The following ATF6B variants were observed in gnomAD, a reference collection of about 807,000 sequenced individuals.
ATF6B encodes the protein cyclic AMP-dependent transcription factor ATF-6 beta.
A neutral mutation model predicts 83.5 loss-of-function variants in ATF6B; 50 were observed. The observed-to-expected ratio is 0.60, with a 90% CI of 0.48 to 0.76. ATF6B has a LOEUF of 0.76. Among genes scored for constraint, ATF6B ranks in the 30% least tolerant of loss-of-function variants. ATF6B has a pLI of 0.00. For missense variants in ATF6B, 790 were observed against 893.8 expected (o/e 0.88, Z 1.48); for synonymous variants, 344 against 362.8 (o/e 0.95, Z 0.59).
rs2127346083 is a variant in ATF6B at position 32,124,699 on chromosome 6, A to T, written c.478+1418T>A. On this transcript the variant is annotated intron_variant, in intron 5 of 17. Coordinates refer to ENST00000375203, the MANE Select transcript of ATF6B (RefSeq NM_004381.5). ...CTCTGAAGAAATGCAGGGTCCTCAG[A>T]CACAAGTCAACCCCCACACTGTCCT... Among the ~76,000 whole-genome samples the T allele has an allele frequency of 2.6e-5, 4 of 152,270 alleles. No homozygotes were observed. The South Asian group carries it at 8.3e-4, about 32-fold the overall frequency.
At position 32,116,608 on chromosome 6, in the gene ATF6B, G is replaced by T; in HGVS notation, c.1798-44C>A. The stretch of plus-strand genomic sequence containing the variant: ...AGGCCAGAAGGGTGGAGGCAAAGAT[G>T]CCAACAAGCTCCCCAGCCCTACTCT... On this transcript the variant is annotated intron_variant, in intron 16 of 17. Transcript: ENST00000375203. The surrounding 1 kb of genome is among the most constrained non-coding windows in gnomAD (Gnocchi z 5.1). The T allele has an allele frequency of 6.3e-7, 1 of 1,597,362 alleles. No homozygotes were observed. The highest frequency in any genetic ancestry group is 8.6e-7 in the Non-Finnish European group (1 of 1,167,724).
chr6:32,123,218 ACT>A (rs1425054385), intron 5 of ATF6B, among the ~76,000 whole-genome samples: 1 of 136,212 alleles, frequency 7.3e-6, no homozygotes, highest in Non-Finnish European at 1.6e-5. Context: ...ACAGGGCAAA[ACT>A]CTGTCTCAAA....
chr6:32,116,819 G>T lies in ATF6B; in HGVS notation c.1686-4C>A, dbSNP rs753847817. The T allele has an allele frequency of 2.5e-6, 4 of 1,613,770 alleles. No individual in the cohort carries two copies. The highest frequency in any genetic ancestry group is 2.5e-6 in the Non-Finnish European group (3 of 1,179,706). On this transcript the variant is annotated splice_polypyrimidine_tract_variant and splice_region_variant and intron_variant, in intron 15 of 17. Transcript: ENST00000375203. The surrounding 1 kb of genome is among the most constrained non-coding windows in gnomAD (Gnocchi z 5.1). ...TTGCAGCTGGCCCACAGAATCCCTA[G>T]GCAGGTGGGGAAACAGGATTTGAGG...
chr6:32,117,325 G>C lies in ATF6B; in HGVS notation c.1612C>G (p.Gln538Glu), dbSNP rs370306659. ...RKIPQRAQER[Q>E]KSQPRKKSPP... ...CTTGAACCAGCCACCCGCCCTACCT[G>C]TCTCTCCTGGGCCCTCTGAGGGATC... Residue 538 changes from glutamine to glutamate, a missense_variant and splice_region_variant, in exon 14 of 18, where the codon CAG (glutamine) becomes GAG (glutamate). Gln to Glu is a conservative substitution (Grantham distance 29). Transcript: ENST00000375203. The surrounding 1 kb of genome is among the most constrained non-coding windows in gnomAD (Gnocchi z 5.0). The C allele has an allele frequency of 6.2e-7, 1 of 1,613,550 alleles. No individual in the cohort carries two copies. The highest frequency in any genetic ancestry group is 8.5e-7 in the Non-Finnish European group (1 of 1,179,654).
Position 32,115,842 on chromosome 6 carries a change from G to A in ATF6B, c.2009C>T (p.Pro670Leu). 3 of 1,614,156 alleles carry A rather than the reference G, an allele frequency of 1.9e-6. No individual in the cohort carries two copies. Among genetic ancestry groups the A allele is most frequent in the Non-Finnish European group, 2.5e-6 (3 of 1,180,016 alleles). Residue 670 changes from proline to leucine, a missense_variant, in exon 18 of 18, where the codon CCA becomes CTA. Around this residue, in one of 3 missense-constraint regions of ATF6B, gnomAD observed 530 missense variants for 632.6 expected, o/e 0.84. Coordinates refer to ENST00000375203, the MANE Select transcript of ATF6B (RefSeq NM_004381.5). The stretch of plus-strand genomic sequence containing the variant: ...TGTGGCATTGCCTGGGGTTGGGGAT[G>A]GCTGTTTTCGGAGCGAGGGGGGCAC... Reference protein sequence around the residue: ...STVPPSLRKQPSPTPGNATGG... With the variant: ...STVPPSLRKQLSPTPGNATGG...
intron 3 of ATF6B, 28 bp downstream of exon 3, chr6:32,127,414 T>TCTGAGGGAACGACAAA (rs1782028547): frequency 6.3e-7 from 1 of 1,593,926 alleles, no homozygotes; most frequent in African/African-American, 1.4e-5. Flanking sequence ...TTTCTGGAAA[T>TCTGAGGGAACGACAAA]CTGAGGGAAC....
rs1254793194 is a variant in ATF6B, at chr6:32,127,480, G to A, written c.212C>T (p.Pro71Leu). The A allele has an allele frequency of 6.2e-7, 1 of 1,613,364 alleles. No homozygotes were observed. Among genetic ancestry groups the A allele is most frequent in the Admixed American group, 1.7e-5 (1 of 59,948 alleles). The stretch of plus-strand genomic sequence containing the variant: ...CAGGAGTTCCCATGGGGGCTCAGAG[G>A]GGCTGACATCCATCCCCACGTCCAG... ...SSLDVGMDVS[P>L]SEPPWELLPI... Residue 71 changes from proline (P) to leucine (L), a missense_variant, in exon 3 of 18, where the codon CCC becomes CTC. By Grantham distance (98) the Pro-to-Leu change is moderately conservative. This residue lies in a region of ATF6B where 253 missense variants were observed against 243.1 expected (regional missense o/e 1.04). Coordinates refer to ENST00000375203, the MANE Select transcript of ATF6B (RefSeq NM_004381.5).
intron 1 of ATF6B, 45 bp from the exon 2 acceptor site, chr6:32,127,795 C>T: frequency 6.3e-7 from 1 of 1,592,380 alleles, no homozygotes; most frequent in Non-Finnish European, 8.6e-7. Flanking sequence ...GTGGCCCCAG[C>T]CTACAGATCG....
Position 32,126,271 on chromosome 6 carries a change from G to T in ATF6B, c.343-19C>A, listed in dbSNP as rs986880554. On this transcript the variant is annotated intron_variant, in intron 4 of 17. Coordinates refer to ENST00000375203, the MANE Select transcript of ATF6B (RefSeq NM_004381.5). ...CAAGAGCCTGGGTGAGAGTTGGTGT[G>T]GGGCAGGGGGCAGAAAGAAGGGCAA... is the stretch of plus-strand genomic sequence containing the variant. The T allele has an allele frequency of 6.2e-7, 1 of 1,611,186 alleles. No individual in the cohort carries two copies. Among genetic ancestry groups the T allele is most frequent in the Non-Finnish European group, 8.5e-7 (1 of 1,178,632 alleles).
chr6:32,117,032 C>A lies in ATF6B; in HGVS notation c.1685+5G>T. The A allele has an allele frequency of 1.2e-6, 2 of 1,613,830 alleles. No homozygotes were observed. The highest frequency in any genetic ancestry group is 8.5e-7 in the Non-Finnish European group (1 of 1,179,772). On this transcript the variant is annotated splice_donor_5th_base_variant and intron_variant, in intron 15 of 17. Coordinates refer to ENST00000375203, the MANE Select transcript of ATF6B (RefSeq NM_004381.5). This position sits in a 1 kb window ranked among gnomAD's most constrained non-coding sequence, Gnocchi z 5.0. ...TAATAAGTAAGCACCCCACCCCACA[C>A]TCACCTTTCTGGGGGTCCAGGGGGT...
intron 1 of ATF6B, 63 bp from the exon 2 acceptor site, chr6:32,127,813 G>A (rs1782050934): frequency 1.3e-6 from 2 of 1,544,024 alleles, no homozygotes; most frequent in Non-Finnish European, 1.8e-6. Flanking sequence ...TCGCACACAA[G>A]CCCCCGCCCC....
chr6:32,117,474 G>T lies in ATF6B; in HGVS notation c.1533-70C>A. ...TCCCACCCTCCTTGCCCACCCACAGGAGTGAGGAGAGGGCAGGGAGCACTG... is the reference window on the plus strand; with the variant it reads ...TCCCACCCTCCTTGCCCACCCACAGTAGTGAGGAGAGGGCAGGGAGCACTG... On this transcript the variant is annotated intron_variant, in intron 13 of 17. Transcript: ENST00000375203. This position sits in a 1 kb window ranked among gnomAD's most constrained non-coding sequence, Gnocchi z 5.0. 1.9e-6 allele frequency: 3 copies of T among 1,597,056 alleles called. No individual in the cohort carries two copies. Among genetic ancestry groups the T allele is most frequent in the Non-Finnish European group, 2.6e-6 (3 of 1,168,162 alleles).
rs759543441 is a variant in ATF6B, at chr6:32,119,925, G to C, written c.865C>G (p.Arg289Gly). ...SPVVLIQGAI[R>G]VQPEGPAPSL... ...GGAGCCGGCCCTTCAGGCTGGACTC[G>C]AATAGCACCCTGGATGAGGACAACT... Residue 289 changes from arginine (R) to glycine (G), a missense_variant, in exon 9 of 18, where the codon CGA (arginine) becomes GGA (glycine). By Grantham distance (125) the Arg-to-Gly change is moderately radical (BLOSUM62 -2). This residue lies in a region of ATF6B where 530 missense variants were observed against 632.6 expected (regional missense o/e 0.84). Coordinates refer to ENST00000375203, the MANE Select transcript of ATF6B (RefSeq NM_004381.5). This position sits in a 1 kb window ranked among gnomAD's most constrained non-coding sequence, Gnocchi z 4.9. 1 of 1,613,982 alleles carries C rather than the reference G, an allele frequency of 6.2e-7. No homozygotes were observed. Among genetic ancestry groups the C allele is most frequent in the Non-Finnish European group, 8.5e-7 (1 of 1,180,004 alleles).
Position 32,121,334 on chromosome 6 carries a change from T to C in ATF6B, c.493A>G (p.Ile165Val). 6.2e-7 allele frequency: 1 copy of C among 1,614,006 alleles called. No homozygotes were observed. Among genetic ancestry groups the C allele is most frequent in the Non-Finnish European group, 8.5e-7 (1 of 1,179,992 alleles). ...SDDSSDVQTKIEPVSPCSSVN... is the reference protein window; with the variant it reads ...SDDSSDVQTKVEPVSPCSSVN... ...GAAGAACATGGAGAGACAGGTTCTA[T>C]CTTGGTCTGGACATCTGTGGGAGGC... is the stretch of plus-strand genomic sequence containing the variant. Residue 165 changes from isoleucine to valine, a missense_variant, in exon 6 of 18, where the codon ATA becomes GTA. Around this residue, in one of 3 missense-constraint regions of ATF6B, gnomAD observed 253 missense variants for 243.1 expected, o/e 1.04. Transcript: ENST00000375203.
At chr6:32,123,876 G>A (rs957666557) in intron 5 of ATF6B, among the ~76,000 whole-genome samples, 11 of 152,090 alleles carry the variant, frequency 7.2e-5, no homozygotes, top group Admixed American at 2.0e-4. Context: ...GTGAGAGATG[G>A]TGCCAGGAGA....
intron 5 of ATF6B, among the ~76,000 whole-genome samples, chr6:32,124,015 C>T (rs1270287292): frequency 6.6e-6 from 1 of 152,150 alleles, no homozygotes; most frequent in African/African-American, 2.4e-5. Flanking sequence ...ACCAGCCTAA[C>T]ATGAAAGAAG....
intron 3 of ATF6B, 120 bp from the exon 4 acceptor site, chr6:32,127,314 G>A (rs982310852): frequency 4.4e-6 from 6 of 1,349,602 alleles, no homozygotes; most frequent in African/African-American, 1.5e-5. Flanking sequence ...ACAAAAATAG[G>A]GGATTGAAGG....
chr6:32,119,729 A>G lies in ATF6B; in HGVS notation c.966+95T>C, dbSNP rs1398983318. ...GTTTCCTCACTTTTTTCTCCTAGGTATCGACTCCCTCCTCATCCCACAGTT... is the reference window on the plus strand; with the variant it reads ...GTTTCCTCACTTTTTTCTCCTAGGTGTCGACTCCCTCCTCATCCCACAGTT... On this transcript the variant is annotated intron_variant, in intron 9 of 17. Transcript: ENST00000375203. The surrounding 1 kb of genome is among the most constrained non-coding windows in gnomAD (Gnocchi z 4.9). 3.3e-6 allele frequency: 5 copies of G among 1,526,300 alleles called. No individual in the cohort carries two copies. The highest frequency in any genetic ancestry group is 4.4e-6 in the Non-Finnish European group (5 of 1,129,654). 94.5% of individuals were successfully genotyped at this position (1,526,300 alleles called of 1,614,324 possible). A position where few individuals can be genotyped will look rare whatever the true frequency, so the allele number is the denominator to read the frequency against.
chr6:32,117,428 A>C lies in ATF6B; in HGVS notation c.1533-24T>G, dbSNP rs778551280. 2.5e-6 allele frequency: 4 copies of C among 1,612,222 alleles called. No individual in the cohort carries two copies. The highest frequency in any genetic ancestry group is 3.4e-6 in the Non-Finnish European group (4 of 1,178,878). ...GCCTGGGGAAATGGAGGAGCTCAGG[A>C]CCTCCATGCCAGGCCAAGATTCCCA... On this transcript the variant is annotated intron_variant, in intron 13 of 17. Coordinates refer to ENST00000375203, the MANE Select transcript of ATF6B (RefSeq NM_004381.5). This position sits in a 1 kb window ranked among gnomAD's most constrained non-coding sequence, Gnocchi z 5.0.
Sources: gnomAD v4.1 joint callset for allele counts (sites outside exome capture counted in the v4.1 genomes callset) on GRCh38, gnomAD v4.1.1 for gene constraint, gnomAD v4.1.1 regional missense constraint, Gnocchi (gnomAD v3.1) non-coding constraint, MANE v1.5 for transcripts, NCBI Gene and HGNC (gene_info 2026-07-23, HGNC 2026-07-21) for gene names.